The following CSNK1G1 variants were observed in gnomAD, a reference collection of about 807,000 sequenced individuals.
The protein encoded by CSNK1G1 is casein kinase 1 gamma 1.
CSNK1G1 carries 22 observed loss-of-function variants against 59.6 expected under a neutral mutation model. The ratio of observed to expected loss-of-function variants is 0.37; its 90% CI spans 0.26 to 0.53. The LOEUF is 0.53. Among genes scored for constraint, CSNK1G1 ranks in the 20% least tolerant of loss-of-function variants. CSNK1G1 has a pLI of 0.89. For missense variants in CSNK1G1, 384 were observed against 519.5 expected, an observed-to-expected ratio of 0.74 and a Z score of 2.54; for synonymous variants, 179 against 177.1, an observed-to-expected ratio of 1.01 and a Z score of -0.08.
Position 64,207,577 on chromosome 15 carries a change from C to T in CSNK1G1, c.697G>A (p.Asp233Asn). The T allele has an allele frequency of 6.2e-7, 1 of 1,613,862 alleles. No homozygotes were observed. Residue 233 changes from aspartate to asparagine, a missense_variant, in exon 7 of 12, where the codon GAT becomes AAT. Around this residue, in one of 3 missense-constraint regions of CSNK1G1, gnomAD observed 325 missense variants for 440.9 expected, o/e 0.74. Transcript: ENST00000303052. The stretch of plus-strand genomic sequence containing the variant: ...AACATATGGCCTAGGGCTTCCAAAT[C>T]ATCTCTCCGGCTTTGCTCTAAAAGG... ...HLGKEQSRRD[D>N]LEALGHMFMY...
At chr15:64,205,830 T>C (rs2082171515) in intron 7 of CSNK1G1, among the ~76,000 whole-genome samples, 1 of 152,188 alleles carries the variant, frequency 6.6e-6, no homozygotes, top group Non-Finnish European at 1.5e-5. Context: ...GAGAGGAATT[T>C]AAGAGTGAAG....
At chr15:64,230,857 C>T (rs886339432) in intron 4 of CSNK1G1, among the ~76,000 whole-genome samples, 6 of 151,932 alleles carry the variant, frequency 3.9e-5, no homozygotes, top group African/African-American at 1.5e-4. Flanking sequence ...GACTGTAGTC[C>T]CAACTACTCA....
At chr15:64,256,616 A>C (rs1892386596) in intron 3 of CSNK1G1, among the ~76,000 whole-genome samples, 1 of 151,894 alleles carries the variant, frequency 6.6e-6, no homozygotes, top group Non-Finnish European at 1.5e-5. Flanking sequence ...TTAGCAGCAC[A>C]GGAGATTTTT....
chr15:64,250,795 C>T (rs1330963547), intron 4 of CSNK1G1, among the ~76,000 whole-genome samples: 1 of 151,930 alleles, frequency 6.6e-6, no homozygotes, highest in Non-Finnish European at 1.5e-5. Flanking sequence ...AAGCTTTAGT[C>T]ATTCATATAA....
rs1197404022 is a variant in CSNK1G1, at chr15:64,165,595, A to C, written c.*6336T>G. 6.4e-6 allele frequency: 1 copy of C among 155,520 alleles called. No individual in the cohort carries two copies. Among genetic ancestry groups the C allele is most frequent in the African/African-American group, 2.4e-5 (1 of 41,576 alleles). 9.6% of individuals were successfully genotyped at this position (155,520 alleles called of 1,614,324 possible). ...AAGACAATATTTAATCCAAGGAATG[A>C]AACAAGAATGCCAAATTATTTTTGT... On this transcript the variant is annotated 3_prime_UTR_variant, in exon 12 of 12. Coordinates refer to ENST00000303052, the MANE Select transcript of CSNK1G1 (RefSeq NM_022048.5).
intron 1 of CSNK1G1, among the ~76,000 whole-genome samples, chr15:64,313,628 A>T (rs770570391): frequency 2.6e-5 from 4 of 151,938 alleles, no homozygotes; most frequent in Non-Finnish European, 4.4e-5. Context: ...TAGGGATAGC[A>T]TTAGGAGAAA....
At chr15:64,341,579 C>T (rs901354480) in intron 1 of CSNK1G1, among the ~76,000 whole-genome samples, 1 of 152,172 alleles carries the variant, frequency 6.6e-6, no homozygotes, top group Non-Finnish European at 1.5e-5. Context: ...CTCAAGCAAT[C>T]CTCTTGCCTC....
chr15:64,309,921 T>G (rs1442463108), intron 1 of CSNK1G1, among the ~76,000 whole-genome samples: 1 of 151,282 alleles, frequency 6.6e-6, no homozygotes, highest in African/African-American at 2.4e-5. Context: ...ACCAGCTTGG[T>G]CAACATACTG....
intron 1 of CSNK1G1, among the ~76,000 whole-genome samples, chr15:64,307,335 T>C (rs761551376): frequency 6.6e-6 from 1 of 152,132 alleles, no homozygotes; most frequent in Non-Finnish European, 1.5e-5. Flanking sequence ...AGCCTGTTAA[T>C]TAAAGTAATA....
intron 4 of CSNK1G1, among the ~76,000 whole-genome samples, chr15:64,246,001 G>A (rs1891733560): frequency 6.6e-6 from 1 of 152,070 alleles, no homozygotes; most frequent in Non-Finnish European, 1.5e-5. Flanking sequence ...ACAGTTAGAA[G>A]CAATAAATTC....
chr15:64,343,549 A>AG (rs1897789479), intron 1 of CSNK1G1, among the ~76,000 whole-genome samples: 1 of 152,116 alleles, frequency 6.6e-6, no homozygotes, highest in Admixed American at 6.5e-5. Context: ...GTCAGAGTTG[A>AG]GATCCACTAC....
chr15:64,327,248 T>C (rs1896897911), intron 1 of CSNK1G1, among the ~76,000 whole-genome samples: 2 of 152,090 alleles, frequency 1.3e-5, no homozygotes, highest in African/African-American at 4.8e-5. Flanking sequence ...AAGACAGCAG[T>C]AACCTCTGCA....
intron 10 of CSNK1G1, among the ~76,000 whole-genome samples, chr15:64,183,481 G>C (rs2081847560): frequency 6.6e-6 from 1 of 152,176 alleles, no homozygotes; most frequent in Non-Finnish European, 1.5e-5. Context: ...TCAAACTACT[G>C]AACTGCAGGC....
At chr15:64,326,089 A>G (rs1896821089) in intron 1 of CSNK1G1, among the ~76,000 whole-genome samples, 1 of 152,180 alleles carries the variant, frequency 6.6e-6, no homozygotes, top group African/African-American at 2.4e-5. Context: ...AAGTGGCACA[A>G]TCTTGGCTCA....
rs2081618327 is a variant in CSNK1G1, at chr15:64,167,714, G to A, written c.*4217C>T. On this transcript the variant is annotated 3_prime_UTR_variant, in exon 12 of 12. Transcript: ENST00000303052. Reference sequence around the variant, plus strand: ...TAGGGCAACTCAATGGGAATGGAGAGCTGGTTTAAATGTGAAATGGAAGAG... The same window carrying A: ...TAGGGCAACTCAATGGGAATGGAGAACTGGTTTAAATGTGAAATGGAAGAG... The A allele has an allele frequency of 6.5e-6, 1 of 152,706 alleles. No individual in the cohort carries two copies. The highest frequency in any genetic ancestry group is 1.5e-5 in the Non-Finnish European group (1 of 68,064). 9.5% of individuals were successfully genotyped at this position (152,706 alleles called of 1,614,324 possible).
chr15:64,345,973 T>C (rs1243634661), intron 1 of CSNK1G1, among the ~76,000 whole-genome samples: 1 of 152,092 alleles, frequency 6.6e-6, no homozygotes, highest in Non-Finnish European at 1.5e-5. Flanking sequence ...GTATTTTTAG[T>C]AGAAACGGGG....
intron 4 of CSNK1G1, among the ~76,000 whole-genome samples, chr15:64,226,549 C>T (rs975679203): frequency 5.0e-5 from 7 of 139,284 alleles, no homozygotes; most frequent in African/African-American, 1.4e-4. Context: ...AGCAAGATTC[C>T]GTCTCAAAAC....
chr15:64,267,444 A>T (rs1420563620), intron 2 of CSNK1G1, among the ~76,000 whole-genome samples: 2 of 152,140 alleles, frequency 1.3e-5, no homozygotes, highest in South Asian at 4.1e-4. Flanking sequence ...CATATAAGGA[A>T]CTTGAACAAC....
At chr15:64,203,612 G>A (rs1391493213) in intron 9 of CSNK1G1, among the ~76,000 whole-genome samples, 5 of 148,334 alleles carry the variant, frequency 3.4e-5, no homozygotes, top group African/African-American at 5.0e-5. Context: ...CAGGAGAATC[G>A]CTTGAACCTG....
Sources: allele counts gnomAD v4.1 joint callset (sites outside exome capture counted in the v4.1 genomes callset), GRCh38; gene constraint gnomAD v4.1.1; regional missense constraint gnomAD v4.1.1; transcripts MANE v1.5; gene names NCBI Gene and HGNC (gene_info 2026-07-23, HGNC 2026-07-21).